The following FCRL5 variants were observed in gnomAD, a reference collection of about 807,000 sequenced individuals.
FCRL5 encodes the protein Fc receptor like 5.
FCRL5 carries 79 observed loss-of-function variants against 92.1 expected under a neutral mutation model. The observed-to-expected ratio is 0.86, with a 90% CI of 0.72 to 1.03. The LOEUF (loss-of-function observed/expected upper bound fraction) is 1.03, where lower values mean the gene tolerates loss of function less well. FCRL5 is among the 50% of genes least tolerant of loss of function. The pLI is 0.00. For synonymous variants in FCRL5, 466 were observed against 469.3 expected (o/e 0.99, Z 0.09); for missense variants, 1,160 against 1,181.1 (o/e 0.98, Z 0.26).
chr1:157,532,560 A>G (rs1360575291), intron 8 of FCRL5: 2 of 151,620 alleles, frequency 1.3e-5, no homozygotes, highest in South Asian at 4.2e-4. Flanking sequence ...TTTTTTTTAC[A>G]TTTTCAGTGT....
intron 6 of FCRL5, chr1:157,541,790 C>T (rs1651274944): frequency 6.6e-6 from 1 of 152,240 alleles, no homozygotes; most frequent in African/African-American, 2.4e-5. Flanking sequence ...GTCGTAGATG[C>T]ATCTTTAGAT....
At chr1:157,524,880 A>G (rs1022749467) in intron 9 of FCRL5, among the ~76,000 whole-genome samples, 5 of 152,188 alleles carry the variant, frequency 3.3e-5, no homozygotes, top group Non-Finnish European at 7.3e-5. Context: ...AACAGGAGAG[A>G]CTTGCTGCTT....
intron 12 of FCRL5, among the ~76,000 whole-genome samples, chr1:157,520,223 A>G (rs547241722): frequency 2.6e-5 from 4 of 152,256 alleles, no homozygotes; most frequent in East Asian, 3.9e-4. Context: ...CATCTCATCA[A>G]GACGTCTCCC....
At chr1:157,545,782 C>A (rs1378823535) in intron 3 of FCRL5, among the ~76,000 whole-genome samples, 1 of 152,148 alleles carries the variant, frequency 6.6e-6, no homozygotes, top group Admixed American at 6.5e-5. Context: ...CCCGCCTTGG[C>A]CTTCCAAAGT....
At position 157,539,291 on chromosome 1, in the gene FCRL5, A is replaced by T; in HGVS notation, c.1197T>A (p.Leu399=). 2 of 1,614,180 alleles carry T rather than the reference A, an allele frequency of 1.2e-6. No individual in the cohort carries two copies. The highest frequency in any genetic ancestry group is 1.7e-6 in the Non-Finnish European group (2 of 1,180,018). The change falls in exon 7 of 17, where the codon CTT becomes CTA. Residue 399 remains leucine (L), a synonymous_variant. Transcript: ENST00000361835. The part of the protein sequence containing the change: ...DLIFEGAKVT[L]HCEAQRGSLP... ...GTGAACCTCTCTGGGCTTCACAGTG[A>T]AGTGTCACCTTGGCTCCCTCAAAAA...
intron 5 of FCRL5, among the ~76,000 whole-genome samples, chr1:157,543,962 AT>A: frequency 6.7e-6 from 1 of 148,784 alleles, no homozygotes; most frequent in African/African-American, 2.5e-5. Context: ...CCCATGGCTT[AT>A]CCCTATGGGC....
intron 1 of FCRL5, 132 bp downstream of exon 1, chr1:157,552,200 C>A: frequency 5.7e-6 from 5 of 880,716 alleles, no homozygotes; most frequent in South Asian, 4.7e-5. Flanking sequence ...GAGTAAAGTT[C>A]AAAAATACAG....
chr1:157,531,598 T>G (rs939656580), intron 8 of FCRL5, among the ~76,000 whole-genome samples: 1 of 152,040 alleles, frequency 6.6e-6, no homozygotes, highest in African/African-American at 2.4e-5. Context: ...AATAGATAAA[T>G]AAAATGTGGA....
At chr1:157,515,899 T>A (rs201215724) in intron 15 of FCRL5, 26 bp from the exon 16 acceptor site, 1 of 1,612,690 alleles carries the variant, frequency 6.2e-7, no homozygotes, top group East Asian at 2.2e-5. Flanking sequence ...AGTGTTCAGT[T>A]GTGGAAGACT....
chr1:157,536,944 C>T (rs1325195245), intron 7 of FCRL5, among the ~76,000 whole-genome samples: 6 of 152,264 alleles, frequency 3.9e-5, no homozygotes, highest in Admixed American at 6.5e-5. Flanking sequence ...ACACTTATCA[C>T]TTCCACAGTC....
intron 11 of FCRL5, among the ~76,000 whole-genome samples, 198 bp downstream of exon 11, chr1:157,520,819 C>G (rs1650146508): frequency 6.6e-6 from 1 of 152,230 alleles, no homozygotes; most frequent in Non-Finnish European, 1.5e-5. Flanking sequence ...GCTCTTGCGC[C>G]CAGCCCGCCA....
chr1:157,546,967 G>A lies in FCRL5; in HGVS notation c.283C>T (p.Pro95Ser), dbSNP rs974650852. 1.2e-6 allele frequency: 2 copies of A among 1,613,984 alleles called. No homozygotes were observed. The highest frequency in any genetic ancestry group is 2.7e-5 in the African/African-American group (2 of 74,924). Residue 95 changes from proline (P) to serine (S), a missense_variant, in exon 3 of 17, where the codon CCT (proline) becomes TCT (serine). By Grantham distance (74) the Pro-to-Ser change is moderately conservative. Transcript: ENST00000361835. ...CQAQGSPLSS[P>S]VHLDFSSASL... Reference sequence around the variant, plus strand: ...CCTGAAGAAAAATCCAAGTGCACAGGGCTACTGAGAGGGGAGCCCTGGGCC... The same window carrying A: ...CCTGAAGAAAAATCCAAGTGCACAGAGCTACTGAGAGGGGAGCCCTGGGCC...
rs1380207822 is a variant in FCRL5, at chr1:157,515,287, T to C, written c.*388A>G. On this transcript the variant is annotated 3_prime_UTR_variant, in exon 17 of 17. Coordinates refer to ENST00000361835, the MANE Select transcript of FCRL5 (RefSeq NM_031281.3). Reference sequence around the variant, plus strand: ...CTCTGTGTCGGAGTTTAGGAGCACCTGAGCTGTTAGGCCAGCCCGGCATCT... The same window carrying C: ...CTCTGTGTCGGAGTTTAGGAGCACCCGAGCTGTTAGGCCAGCCCGGCATCT... 6.6e-6 allele frequency: 2 copies of C among 301,528 alleles called. No homozygotes were observed. The highest frequency in any genetic ancestry group is 1.3e-5 in the Non-Finnish European group (2 of 156,724). The allele number at this position is 301,528 out of a possible 1,614,324, so 18.7% of individuals were successfully genotyped here.
Position 157,515,103 on chromosome 1 carries a change from G to A in FCRL5, c.*572C>T, listed in dbSNP as rs1247096916. 1.2e-5 allele frequency: 2 copies of A among 160,416 alleles called. No homozygotes were observed. The highest frequency in any genetic ancestry group is 2.4e-5 in the African/African-American group (1 of 41,574). The allele number at this position is 160,416 out of a possible 1,614,324, so 9.9% of individuals were successfully genotyped here. On this transcript the variant is annotated 3_prime_UTR_variant, in exon 17 of 17. Transcript: ENST00000361835. ...ACCTTGGTGTCAAGTGCCGACCTTA[G>A]AGTTTGAGACAGGTGGAGGAGTGTG...
At position 157,513,733 on chromosome 1, in the gene FCRL5, G is replaced by A. The variant is rs1332508670; in HGVS notation, c.*1942C>T. On this transcript the variant is annotated 3_prime_UTR_variant, in exon 17 of 17. Transcript: ENST00000361835. ...GATGGGGGTACCTTACTCTCCCAATGAGAAATTCTAAATTTCCTCTTTTGA... is the reference window on the plus strand; with the variant it reads ...GATGGGGGTACCTTACTCTCCCAATAAGAAATTCTAAATTTCCTCTTTTGA... The A allele has an allele frequency of 6.6e-6, 1 of 152,138 alleles. No homozygotes were observed. Among genetic ancestry groups the A allele is most frequent in the African/African-American group, 2.4e-5 (1 of 41,416 alleles). 9.4% of individuals were successfully genotyped at this position (152,138 alleles called of 1,614,324 possible).
rs796066320 is a variant in FCRL5, at chr1:157,550,087, T to C, written c.32-507A>G. On this transcript the variant is annotated intron_variant, in intron 1 of 16. Transcript: ENST00000361835. ...GCAGGTGGATGTTAGCATTTGTGTGTGGTAAGAGGCGATTTCTACCTTTCA... is the reference window on the plus strand; with the variant it reads ...GCAGGTGGATGTTAGCATTTGTGTGCGGTAAGAGGCGATTTCTACCTTTCA... Among the ~76,000 whole-genome samples the C allele has an allele frequency of 4.6e-5, 7 of 152,042 alleles. 1 individual carries two copies. The highest frequency in any genetic ancestry group is 1.7e-4 in the African/African-American group (7 of 41,440).
intron 15 of FCRL5, chr1:157,516,093 T>C: frequency 1.6e-6 from 1 of 629,680 alleles, no homozygotes; most frequent in African/African-American, 1.8e-5. Context: ...CCTTCACACT[T>C]TGTGGCCCAC....
At chr1:157,524,944 G>A (rs1372559417) in intron 9 of FCRL5, among the ~76,000 whole-genome samples, 1 of 152,086 alleles carries the variant, frequency 6.6e-6, no homozygotes, top group Non-Finnish European at 1.5e-5. Flanking sequence ...GGGCCCACAA[G>A]AGAATGAGTA....
chr1:157,534,517 T>A (rs1360522503), intron 8 of FCRL5, 97 bp downstream of exon 8: 1 of 1,423,632 alleles, frequency 7.0e-7, no homozygotes, highest in Non-Finnish European at 9.9e-7. Flanking sequence ...TTAAGTTGAT[T>A]AGGGGAGGAA....
Sources: gnomAD v4.1 joint callset for allele counts (sites outside exome capture counted in the v4.1 genomes callset) on GRCh38, gnomAD v4.1.1 for gene constraint, MANE v1.5 for transcripts, NCBI Gene and HGNC (gene_info 2026-07-23, HGNC 2026-07-21) for gene names.